The following SPEF2 variants were observed in gnomAD, a reference collection of about 807,000 sequenced individuals.
SPEF2 encodes the protein sperm flagella and cilia-associated protein 2.
SPEF2 carries 187 observed loss-of-function variants against 224.6 expected under a neutral mutation model. That is an observed-to-expected ratio of 0.83 (90% CI 0.74 to 0.94). SPEF2 has a LOEUF of 0.94. SPEF2 is among the 40% of genes least tolerant of loss of function. The pLI is 0.00. For synonymous variants in SPEF2, 715 were observed against 707.3 expected, an observed-to-expected ratio of 1.01 and a Z score of -0.17; for missense variants, 2,170 against 2,135.6, an observed-to-expected ratio of 1.02 and a Z score of -0.32.
At chr5:35,745,174 G>A (rs1012048603) in intron 23 of SPEF2, among the ~76,000 whole-genome samples, 7 of 152,206 alleles carry the variant, frequency 4.6e-5, no homozygotes, top group East Asian at 1.9e-4. Flanking sequence ...CTGGGAGCTC[G>A]CTGGGTGCCC....
chr5:35,694,511 A>G, intron 13 of SPEF2, 148 bp downstream of exon 13: 2 of 624,862 alleles, frequency 3.2e-6, no homozygotes, highest in Non-Finnish European at 2.8e-6. Context: ...CATTTGACAG[A>G]GGGAGCAAGA....
chr5:35,724,558 G>C lies in SPEF2; in HGVS notation c.2915-3117G>C, dbSNP rs1162065975. On this transcript the variant is annotated intron_variant, in intron 20 of 36. Transcript: ENST00000356031. ...GAACTACATCAATAGACACTAAAAGGCAATGAAGTATGACAATCAAAAGCA... is the reference window on the plus strand; with the variant it reads ...GAACTACATCAATAGACACTAAAAGCCAATGAAGTATGACAATCAAAAGCA... Among the ~76,000 whole-genome samples, 4 of 152,012 alleles carry C rather than the reference G, an allele frequency of 2.6e-5. No homozygotes were observed. The South Asian group carries it at 6.2e-4, about 24-fold the overall frequency.
At chr5:35,737,442 C>G (rs1054985547) in intron 21 of SPEF2, among the ~76,000 whole-genome samples, 1 of 148,224 alleles carries the variant, frequency 6.7e-6, no homozygotes, top group African/African-American at 2.5e-5. Flanking sequence ...CAATTCCCAC[C>G]TATGAGTGAG....
chr5:35,807,688 C>A, intron 36 of SPEF2: 2 of 1,536,058 alleles, frequency 1.3e-6, no homozygotes, highest in Non-Finnish European at 1.7e-6. Context: ...AAAGGTTGGG[C>A]ACCACTTCCA....
chr5:35,716,546 A>G (rs1489080438), intron 20 of SPEF2, among the ~76,000 whole-genome samples: 2 of 152,188 alleles, frequency 1.3e-5, no homozygotes, highest in Non-Finnish European at 2.9e-5. Flanking sequence ...GTTCAACAGC[A>G]AAATATATAC....
At chr5:35,785,731 T>C (rs1755017052) in intron 30 of SPEF2, among the ~76,000 whole-genome samples, 1 of 150,608 alleles carries the variant, frequency 6.6e-6, no homozygotes, top group African/African-American at 2.4e-5. Flanking sequence ...CTCTTTTCTT[T>C]TTTTTTTTTG....
chr5:35,620,928 CG>C (rs1743416091), intron 1 of SPEF2, among the ~76,000 whole-genome samples: 1 of 152,048 alleles, frequency 6.6e-6, no homozygotes, highest in African/African-American at 2.4e-5. Context: ...TTATGGTTTG[CG>C]TAAGTGTAGA....
intron 26 of SPEF2, 78 bp downstream of exon 26, chr5:35,763,780 A>C: frequency 7.4e-7 from 1 of 1,344,930 alleles, no homozygotes; most frequent in Non-Finnish European, 9.9e-7. Flanking sequence ...CTATAAGTGG[A>C]AAATTGACAC....
chr5:35,753,252 T>C (rs971663523), intron 23 of SPEF2, among the ~76,000 whole-genome samples: 1 of 152,182 alleles, frequency 6.6e-6, no homozygotes, highest in Admixed American at 6.5e-5. Flanking sequence ...TACAGCTGCA[T>C]ATTTTTTTCC....
In SPEF2 at chr5:35,705,569, C is replaced by T. The variant is rs917083537; in HGVS notation, c.2508-82C>T. ...ATATTGGCAGCCTGTCTTTTCATTA[C>T]GCATGTCGGATAATTTATGCTTAAT... is the stretch of plus-strand genomic sequence containing the variant. On this transcript the variant is annotated intron_variant, in intron 17 of 36. Coordinates refer to ENST00000356031, the MANE Select transcript of SPEF2 (RefSeq NM_024867.4). The T allele has an allele frequency of 1.7e-5, 17 of 973,596 alleles. No individual in the cohort carries two copies. The Admixed American group carries it at 1.8e-4, about 10-fold the overall frequency. The allele number at this position is 973,596 out of a possible 1,614,324, so 60.3% of individuals were successfully genotyped here. A position where few individuals can be genotyped will look rare whatever the true frequency, so the allele number is the denominator to read the frequency against.
chr5:35,773,660 A>T (rs1753193384), intron 27 of SPEF2, among the ~76,000 whole-genome samples: 1 of 152,112 alleles, frequency 6.6e-6, no homozygotes, highest in Admixed American at 6.6e-5. Context: ...TTTTAATTAT[A>T]CTACACAAAT....
At chr5:35,744,080 C>A (rs745464006) in intron 23 of SPEF2, among the ~76,000 whole-genome samples, 6 of 152,272 alleles carry the variant, frequency 3.9e-5, no homozygotes, top group Non-Finnish European at 7.4e-5. Flanking sequence ...ATACCATAAA[C>A]CTTGCTTTAT....
At chr5:35,631,162 A>G (rs1745059845) in intron 2 of SPEF2, among the ~76,000 whole-genome samples, 1 of 152,196 alleles carries the variant, frequency 6.6e-6, no homozygotes, top group Non-Finnish European at 1.5e-5. Flanking sequence ...CACATCTTAC[A>G]TTGATGGTAG....
chr5:35,628,201 T>G (rs1744545848), intron 1 of SPEF2, among the ~76,000 whole-genome samples: 1 of 152,200 alleles, frequency 6.6e-6, no homozygotes, highest in South Asian at 2.1e-4. Flanking sequence ...AAAAAAAATT[T>G]TATCTGTTGT....
intron 12 of SPEF2, among the ~76,000 whole-genome samples, chr5:35,693,205 A>G (rs1473852659): frequency 1.3e-5 from 2 of 152,178 alleles, no homozygotes. Flanking sequence ...GCTAACATCA[A>G]AGTCCCCAGT....
chr5:35,776,781 A>T (rs1753664706), intron 29 of SPEF2, among the ~76,000 whole-genome samples: 1 of 152,156 alleles, frequency 6.6e-6, no homozygotes, highest in Non-Finnish European at 1.5e-5. Context: ...AATTAAGGGG[A>T]GATTAAAAAG....
intron 15 of SPEF2, chr5:35,699,728 T>A (rs928288660): frequency 1.3e-5 from 2 of 152,220 alleles, no homozygotes; most frequent in African/African-American, 4.8e-5. Context: ...CCCCATTGTA[T>A]GAATTAGGAA....
chr5:35,806,417 C>T (rs1580806045), intron 34 of SPEF2, among the ~76,000 whole-genome samples: 1 of 152,180 alleles, frequency 6.6e-6, no homozygotes, highest in African/African-American at 2.4e-5. Flanking sequence ...TATCTATATA[C>T]AGGGGTACAA....
intron 21 of SPEF2, among the ~76,000 whole-genome samples, 188 bp from the exon 22 acceptor site, chr5:35,739,731 T>G (rs1747261020): frequency 6.6e-6 from 1 of 152,108 alleles, no homozygotes; most frequent in African/African-American, 2.4e-5. Context: ...ACATGGAGGA[T>G]TATTTGGAAT....
Sources: gnomAD v4.1 joint callset for allele counts (sites outside exome capture counted in the v4.1 genomes callset) on GRCh38, gnomAD v4.1.1 for gene constraint, MANE v1.5 for transcripts, NCBI Gene and HGNC (gene_info 2026-07-23, HGNC 2026-07-21) for gene names.